ATP6V0A2: variants seen among roughly 807,000 people sequenced by gnomAD.
The protein encoded by ATP6V0A2 is V-type proton ATPase 116 kDa subunit a 2.
ATP6V0A2 carries 58 observed loss-of-function variants against 104.4 expected under a neutral mutation model. That is an observed-to-expected ratio of 0.56 (90% CI 0.45 to 0.69). ATP6V0A2 has a LOEUF of 0.69. Among genes scored for constraint, ATP6V0A2 ranks in the 30% least tolerant of loss-of-function variants. The pLI, the probability that ATP6V0A2 is intolerant of heterozygous loss-of-function variation, is 0.00. For missense variants in ATP6V0A2, 938 were observed against 1,062.9 expected (o/e 0.88, Z 1.63); for synonymous variants, 376 against 397.9 (o/e 0.95, Z 0.65).
In ATP6V0A2 at chr12:123,743,892, C is replaced by G; in HGVS notation, c.1146C>G (p.Ile382Met). The G allele has an allele frequency of 6.2e-7, 1 of 1,614,186 alleles. No individual in the cohort carries two copies. The highest frequency in any genetic ancestry group is 8.5e-7 in the Non-Finnish European group (1 of 1,180,024). Residue 382 changes from isoleucine (I) to methionine (M), a missense_variant, in exon 10 of 20, where the codon ATC becomes ATG. By Grantham distance (10) the Ile-to-Met change is conservative. Coordinates refer to ENST00000330342, the MANE Select transcript of ATP6V0A2 (RefSeq NM_012463.4). ...AATTCACCGAGGGATTTCAGAACAT[C>G]GTGGATGCTTATGGAGTCGGAAGCT... ...TNKFTEGFQN[I>M]VDAYGVGSYR...
At chr12:123,740,793 G>A (rs1033582105) in intron 9 of ATP6V0A2, among the ~76,000 whole-genome samples, 2 of 151,884 alleles carry the variant, frequency 1.3e-5, no homozygotes, top group African/African-American at 4.8e-5. Flanking sequence ...TTTCTCTTAC[G>A]GCAGTATGAG....
intron 2 of ATP6V0A2, among the ~76,000 whole-genome samples, chr12:123,719,410 G>A (rs1281593035): frequency 2.0e-5 from 3 of 146,714 alleles, no homozygotes; most frequent in Non-Finnish European, 1.5e-5. Context: ...TTTTTGAGAT[G>A]GAGTCTTGCT....
rs1164055000 is a variant in ATP6V0A2, at chr12:123,758,604, TC to T, written c.*574del. 2.6e-5 allele frequency: 4 copies of T among 152,198 alleles called. No individual in the cohort carries two copies. Among genetic ancestry groups the T allele is most frequent in the Non-Finnish European group, 2.9e-5 (2 of 68,116 alleles). 9.4% of individuals were successfully genotyped at this position (152,198 alleles called of 1,614,324 possible). A position where few individuals can be genotyped will look rare whatever the true frequency, so the allele number is the denominator to read the frequency against. ...GGCACGATCGTGTCTCATTGCAACT[TC>T]CGCCTCCTGGATTCAGGTGATTCTC... is the stretch of plus-strand genomic sequence containing the variant. On this transcript the variant is annotated 3_prime_UTR_variant, in exon 20 of 20. Coordinates refer to ENST00000330342, the MANE Select transcript of ATP6V0A2 (RefSeq NM_012463.4).
rs146025405 is a variant in ATP6V0A2, at chr12:123,736,969, G to GGA, written c.826-87_826-86dup. ...GCCTGGAATGATCCTCTGTCAATGGGGAGAAAGTCCTCTAAGGGAAGTCGG... is the reference window on the plus strand; with the variant it reads ...GCCTGGAATGATCCTCTGTCAATGGGGAGAGAAAGTCCTCTAAGGGAAGTCGG... On this transcript the variant is annotated intron_variant, in intron 8 of 19. Transcript: ENST00000330342. 0.018 allele frequency: 22,316 copies of GGA among 1,271,782 alleles called. 300 individuals carry two copies. The highest frequency in any genetic ancestry group is 0.038 in the South Asian group (3,146 of 82,968). 78.8% of individuals were successfully genotyped at this position (1,271,782 alleles called of 1,614,324 possible). A position where few individuals can be genotyped will look rare whatever the true frequency, so the allele number is the denominator to read the frequency against.
At chr12:123,746,081 A>G (rs1158192535) in intron 13 of ATP6V0A2, among the ~76,000 whole-genome samples, 1 of 152,210 alleles carries the variant, frequency 6.6e-6, no homozygotes, top group Non-Finnish European at 1.5e-5. Flanking sequence ...GGCTACAACA[A>G]TTTCTTTAAG....
At chr12:123,735,492 CT>C (rs1956543732) in intron 7 of ATP6V0A2, 38 bp from the exon 8 acceptor site, 2 of 1,574,388 alleles carry the variant, frequency 1.3e-6, no homozygotes, top group African/African-American at 2.7e-5. Context: ...AGTTCTAGTG[CT>C]GACAGATGTG....
chr12:123,725,922 C>T (rs962762530), intron 4 of ATP6V0A2, among the ~76,000 whole-genome samples: 7 of 152,004 alleles, frequency 4.6e-5, no homozygotes, highest in Non-Finnish European at 1.0e-4. Flanking sequence ...ATGATAGTGA[C>T]CTTTGATAAA....
intron 16 of ATP6V0A2, 140 bp downstream of exon 16, chr12:123,751,369 T>A (rs930885129): frequency 7.3e-7 from 1 of 1,370,994 alleles, no homozygotes; most frequent in African/African-American, 1.4e-5. Flanking sequence ...AAAACATTGA[T>A]GTTGGCTGGG....
At chr12:123,718,075 C>T (rs1365531265) in intron 1 of ATP6V0A2, among the ~76,000 whole-genome samples, 2 of 144,590 alleles carry the variant, frequency 1.4e-5, no homozygotes, top group African/African-American at 2.6e-5. Context: ...CTTAGGTGCG[C>T]CACCATGCCT....
Position 123,724,796 on chromosome 12 carries a change from TG to T in ATP6V0A2, c.432+6del. ...TTTGTGAAACGCAATGTTGAGGTAC[TG>T]AACAGCTCGTGAGGAAATACAGCTG... On this transcript the variant is annotated splice_donor_region_variant and intron_variant, in intron 4 of 19. Transcript: ENST00000330342. 6.2e-7 allele frequency: 1 copy of T among 1,613,208 alleles called. No homozygotes were observed. Among genetic ancestry groups the T allele is most frequent in the African/African-American group, 1.3e-5 (1 of 75,036 alleles).
In ATP6V0A2 at chr12:123,733,699, G is replaced by T. The variant is rs1055826569; in HGVS notation, c.649-227G>T. On this transcript the variant is annotated intron_variant, in intron 6 of 19. Coordinates refer to ENST00000330342, the MANE Select transcript of ATP6V0A2 (RefSeq NM_012463.4). ...ACTTTACCTGGGAACGCGGGTGTCG[G>T]GTGCCTAAAAGTTTTGGCTGCTCTG... 14 of 546,328 alleles carry T rather than the reference G, an allele frequency of 2.6e-5. No individual in the cohort carries two copies. In the African/African-American group the frequency reaches 2.7e-4, roughly 10 times the overall value. 33.8% of individuals were successfully genotyped at this position (546,328 alleles called of 1,614,324 possible).
At chr12:123,752,529 A>G (rs2135918933) in intron 17 of ATP6V0A2, 127 bp downstream of exon 17, 1 of 1,118,966 alleles carries the variant, frequency 8.9e-7, no homozygotes, top group East Asian at 2.6e-5. Context: ...CAGCCTCCAC[A>G]ACTATGAGAA....
Position 123,735,775 on chromosome 12 carries a change from C to T in ATP6V0A2, c.825+151C>T. On this transcript the variant is annotated intron_variant, in intron 8 of 19. Transcript: ENST00000330342. Reference sequence around the variant, plus strand: ...GGAATGTTGCTTCCCTCCCTCCTCCCCATGGAAGTTTTATTTTAGCAACTT... The same window carrying T: ...GGAATGTTGCTTCCCTCCCTCCTCCTCATGGAAGTTTTATTTTAGCAACTT... The T allele has an allele frequency of 1.2e-5, 9 of 751,894 alleles. 1 individual carries two copies. The South Asian group carries it at 1.2e-4, about 10-fold the overall frequency. 46.6% of individuals were successfully genotyped at this position (751,894 alleles called of 1,614,324 possible). A position where few individuals can be genotyped will look rare whatever the true frequency, so the allele number is the denominator to read the frequency against.
intron 1 of ATP6V0A2, among the ~76,000 whole-genome samples, chr12:123,716,087 A>G (rs991296771): frequency 6.7e-6 from 1 of 148,886 alleles, no homozygotes; most frequent in Non-Finnish European, 1.5e-5. Context: ...TTTTTTTGAG[A>G]TGGAGTCTCA....
At chr12:123,751,862 CT>C (rs34862238) in intron 16 of ATP6V0A2, among the ~76,000 whole-genome samples, 2,522 of 123,358 alleles carry the variant, frequency 0.02, 20 homozygotes, top group African/African-American at 0.033. Flanking sequence ...TTCTTTCTTT[CT>C]TTTTTTTTTT....
intron 9 of ATP6V0A2, among the ~76,000 whole-genome samples, chr12:123,740,342 C>T (rs1232279022): frequency 6.6e-6 from 1 of 152,000 alleles, no homozygotes; most frequent in Non-Finnish European, 1.5e-5. Context: ...GTAGCTGGGA[C>T]TAGAGGTCTG....
At chr12:123,722,744 A>G (rs1956412161) in intron 3 of ATP6V0A2, among the ~76,000 whole-genome samples, 1 of 152,184 alleles carries the variant, frequency 6.6e-6, no homozygotes, top group Admixed American at 6.5e-5. Flanking sequence ...TTGATGGATC[A>G]GAACAGTTCA....
At chr12:123,738,028 G>A (rs1302657013) in intron 9 of ATP6V0A2, among the ~76,000 whole-genome samples, 5 of 152,170 alleles carry the variant, frequency 3.3e-5, no homozygotes, top group Admixed American at 1.3e-4. Flanking sequence ...CCCAGAAATG[G>A]AATTACTGGA....
chr12:123,722,307 A>G (rs1446673423), intron 2 of ATP6V0A2, 44 bp from the exon 3 acceptor site: 3 of 1,158,692 alleles, frequency 2.6e-6, no homozygotes, highest in African/African-American at 1.5e-5. Context: ...GAAATGTATT[A>G]TAGTACATTT....
Sources: gnomAD v4.1 joint callset for allele counts (sites outside exome capture counted in the v4.1 genomes callset) on GRCh38, gnomAD v4.1.1 for gene constraint, MANE v1.5 for transcripts, NCBI Gene and HGNC (gene_info 2026-07-23, HGNC 2026-07-21) for gene names.